The following FAM228B variants were observed in gnomAD, a reference collection of about 807,000 sequenced individuals.
FAM228B encodes the protein protein FAM228B.
A neutral mutation model predicts 42.6 loss-of-function variants in FAM228B; 38 were observed. The observed-to-expected ratio is 0.89, with a 90% CI of 0.69 to 1.17. The LOEUF is 1.17. FAM228B is among the 50% of genes most tolerant of loss of function. FAM228B has a pLI of 0.00. For synonymous variants in FAM228B, 109 were observed against 122.3 expected (o/e 0.89, Z 0.72); for missense variants, 344 against 367.3 (o/e 0.94, Z 0.52).
In FAM228B at chr2:24,087,066, T is replaced by C. The variant is rs558644082; in HGVS notation, c.-210+6111T>C. Among the ~76,000 whole-genome samples the C allele has an allele frequency of 2.0e-5, 3 of 152,302 alleles. No individual in the cohort carries two copies. In the South Asian group the frequency reaches 6.2e-4, roughly 32 times the overall value. On this transcript the variant is annotated intron_variant, in intron 2 of 10. Coordinates refer to the FAM228B transcript ENST00000613899. ...AAATCTAATAATACCAACCACTAAG[T>C]ATACTAAAGTATCCCAGTAAAACTA... is the stretch of plus-strand genomic sequence containing the variant.
upstream of FAM228B, among the ~76,000 whole-genome samples, chr2:24,119,956 A>G (rs563499449): frequency 6.6e-6 from 1 of 152,292 alleles, no homozygotes; most frequent in South Asian, 2.1e-4. Flanking sequence ...TGATTATCAT[A>G]TACCCCATCC....
At chr2:24,115,549 A>G in intron 3 of FAM228B, 1 of 1,591,970 alleles carries the variant, frequency 6.3e-7, no homozygotes, top group Non-Finnish European at 8.6e-7. Flanking sequence ...TTCTTCTAAA[A>G]TAATAAAATT....
intron 7 of FAM228B, among the ~76,000 whole-genome samples, chr2:24,147,876 T>A (rs1162893296): frequency 6.6e-6 from 1 of 152,112 alleles, no homozygotes; most frequent in Non-Finnish European, 1.5e-5. Flanking sequence ...CTAGTTCTCT[T>A]GATTGCTTTA....
At chr2:24,145,677 C>T (rs930580096) in intron 5 of FAM228B, among the ~76,000 whole-genome samples, 1 of 151,192 alleles carries the variant, frequency 6.6e-6, no homozygotes, top group Admixed American at 6.6e-5. Flanking sequence ...CATACAAATA[C>T]CTGAAAATGA....
chr2:24,079,636 A>G, intron 1 of FAM228B: 1 of 1,613,692 alleles, frequency 6.2e-7, no homozygotes, highest in African/African-American at 1.3e-5. Flanking sequence ...GATTAACTCC[A>G]GCACCTTCCA....
At chr2:24,081,786 C>A (rs536087523) in intron 2 of FAM228B, among the ~76,000 whole-genome samples, 6 of 151,594 alleles carry the variant, frequency 4.0e-5, no homozygotes, top group Non-Finnish European at 5.9e-5. Flanking sequence ...CCCCACCCCC[C>A]CTGCGTTCAT....
At chr2:24,161,994 A>G (rs1376368916) in intron 8 of FAM228B, among the ~76,000 whole-genome samples, 1 of 151,516 alleles carries the variant, frequency 6.6e-6, no homozygotes, top group Non-Finnish European at 1.5e-5. Flanking sequence ...AGCTATCTGG[A>G]AGGCTGAGGC....
chr2:24,146,650 G>A (rs548375830), intron 5 of FAM228B, 98 bp from the exon 6 acceptor site: 28 of 687,460 alleles, frequency 4.1e-5, no homozygotes, highest in Admixed American at 3.4e-4. Flanking sequence ...TTACCCTCCC[G>A]GCATAAGAGC....
chr2:24,137,913 T>G lies in FAM228B; in HGVS notation c.173T>G (p.Leu58Arg), dbSNP rs1445880792. 1 of 1,516,814 alleles carries G rather than the reference T, an allele frequency of 6.6e-7. No individual in the cohort carries two copies. The highest frequency in any genetic ancestry group is 8.8e-7 in the Non-Finnish European group (1 of 1,136,130). The allele number at this position is 1,516,814 out of a possible 1,614,324, so 94.0% of individuals were successfully genotyped here. A position where few individuals can be genotyped will look rare whatever the true frequency, so the allele number is the denominator to read the frequency against. The change falls in exon 4 of 11, where the codon CTA (leucine) becomes CGA (arginine). Residue 58 changes from leucine (L) to arginine (R), a missense_variant. Coordinates refer to ENST00000615575, the MANE Select transcript of FAM228B (RefSeq NM_001145710.2). ...TTTTCTACCACTGTTTACTAGGAACTAGATAAGTATTTACAACATCATGCC... is the reference window on the plus strand; with the variant it reads ...TTTTCTACCACTGTTTACTAGGAACGAGATAAGTATTTACAACATCATGCC... Reference protein sequence around the residue: ...LYKENSVIKELDKYLQHHAFL... With the variant: ...LYKENSVIKERDKYLQHHAFL...
In FAM228B at chr2:24,147,080, G is replaced by A. The variant is rs1333396386; in HGVS notation, c.680G>A (p.Arg227Lys). 1 of 1,549,376 alleles carries A rather than the reference G, an allele frequency of 6.5e-7. No individual in the cohort carries two copies. Among genetic ancestry groups the A allele is most frequent in the Non-Finnish European group, 8.7e-7 (1 of 1,145,590 alleles). The change falls in exon 7 of 11, where the codon AGG becomes AAG. Residue 227 changes from arginine to lysine, a missense_variant. By Grantham distance (26) the Arg-to-Lys change is conservative. Transcript: ENST00000615575. Reference protein sequence around the residue: ...TRYIESEFCRRRRLKVKVNFN... With the variant: ...TRYIESEFCRKRRLKVKVNFN... The stretch of plus-strand genomic sequence containing the variant: ...TACATAGAAAGTGAATTTTGTAGAA[G>A]GAGAAGGTAATGGTTAATATACTAG...
chr2:24,112,842 C>T (rs1665820060), intron 3 of FAM228B, among the ~76,000 whole-genome samples: 3 of 152,110 alleles, frequency 2.0e-5, no homozygotes, highest in Non-Finnish European at 4.4e-5. Flanking sequence ...CCACATGGAA[C>T]CTCTCACCAT....
At chr2:24,143,844 T>C (rs945095781) in intron 5 of FAM228B, among the ~76,000 whole-genome samples, 2 of 151,466 alleles carry the variant, frequency 1.3e-5, no homozygotes, top group African/African-American at 4.8e-5. Context: ...ATAACAACAA[T>C]GTTTTGAAAT....
intron 7 of FAM228B, among the ~76,000 whole-genome samples, chr2:24,148,281 C>A (rs1315898985): frequency 6.6e-6 from 1 of 152,228 alleles, no homozygotes; most frequent in East Asian, 1.9e-4. Context: ...TCTCCATGCT[C>A]TTCCCTCTCC....
rs538086996 is a variant in FAM228B, at chr2:24,101,257, TATA to T, written c.-121+6036_-121+6038del. On this transcript the variant is annotated intron_variant, in intron 3 of 10. Transcript: ENST00000613899. ...TGTACATGTACCCTAGAACTTAAAGTATAATAATAAAAAAAGTTTTACAACCTT... is the reference window on the plus strand; with the variant it reads ...TGTACATGTACCCTAGAACTTAAAGTATAATAAAAAAAGTTTTACAACCTT... Among the ~76,000 whole-genome samples, 14 of 152,340 alleles carry T rather than the reference TATA, an allele frequency of 9.2e-5. No individual in the cohort carries two copies. In the East Asian group the frequency reaches 2.7e-3, roughly 29 times the overall value.
intron 2 of FAM228B, among the ~76,000 whole-genome samples, chr2:24,094,648 C>A (rs188347365): frequency 2.0e-5 from 3 of 152,180 alleles, no homozygotes. Context: ...CCATGCCTGG[C>A]TAATTTTTCT....
intron 3 of FAM228B, among the ~76,000 whole-genome samples, chr2:24,136,860 C>T (rs1352248386): frequency 6.6e-6 from 1 of 152,200 alleles, no homozygotes; most frequent in Non-Finnish European, 1.5e-5. Context: ...ACCATCACCA[C>T]TATTTCCAAA....
At chr2:24,131,314 C>G (rs1483069593) in intron 2 of FAM228B, among the ~76,000 whole-genome samples, 3 of 152,074 alleles carry the variant, frequency 2.0e-5, no homozygotes, top group African/African-American at 7.2e-5. Flanking sequence ...TATATGGGCT[C>G]TTTTTTGGTT....
At chr2:24,091,294 G>A (rs1363598343) in intron 2 of FAM228B, among the ~76,000 whole-genome samples, 1 of 152,140 alleles carries the variant, frequency 6.6e-6, no homozygotes, top group South Asian at 2.1e-4. Flanking sequence ...TTAGCCGGGC[G>A]TGGTGGCGGG....
intron 9 of FAM228B, chr2:24,165,431 C>T (rs1268735246): frequency 2.1e-6 from 1 of 471,094 alleles, no homozygotes; most frequent in African/African-American, 2.0e-5. Context: ...CCTGTCTGCT[C>T]TGAGGCTCTG....
Sources: allele counts gnomAD v4.1 joint callset (sites outside exome capture counted in the v4.1 genomes callset), GRCh38; gene constraint gnomAD v4.1.1; transcripts MANE v1.5; gene names NCBI Gene and HGNC (gene_info 2026-07-23, HGNC 2026-07-21).